Variants in PARP10 observed in about 807,000 individuals in gnomAD.
PARP10 encodes protein mono-ADP-ribosyltransferase PARP10.
Under a neutral mutation model 82.4 loss-of-function variants are expected in PARP10, and 56 were observed. The ratio of observed to expected loss-of-function variants is 0.68; its 90% CI spans 0.55 to 0.85. The LOEUF (loss-of-function observed/expected upper bound fraction) is 0.85. PARP10 is among the 40% of genes least tolerant of loss of function. PARP10 has a pLI of 0.00. For missense variants in PARP10, 1,227 were observed against 1,379.4 expected, an observed-to-expected ratio of 0.89 and a Z score of 1.75; for synonymous variants, 576 against 601.1, an observed-to-expected ratio of 0.96 and a Z score of 0.61.
Position 144,008,936 on chromosome 8 carries a change from C to T in PARP10, c.-80+3594G>A, listed in dbSNP as rs1442329070. ...AGAGGAAGCCTGGCGGAGGCTAATT[C>T]AAAGAAAGGAGCAGGAGGCTGCAGC... On this transcript the variant is annotated intron_variant, in intron 1 of 3. Transcript: ENST00000530478. The surrounding 1 kb of genome is among the most constrained non-coding windows in gnomAD (Gnocchi z 4.0). Among the ~76,000 whole-genome samples, 1 of 152,146 alleles carries T rather than the reference C, an allele frequency of 6.6e-6. No individual in the cohort carries two copies. Among genetic ancestry groups the T allele is most frequent in the Non-Finnish European group, 1.5e-5 (1 of 68,018 alleles).
chr8:143,984,627 G>GCAGGAAGC lies in PARP10; in HGVS notation c.1367_1374dup (p.Gln459AlafsTer27). The GCAGGAAGC allele has an allele frequency of 6.2e-7, 1 of 1,614,044 alleles. No individual in the cohort carries two copies. Among genetic ancestry groups the GCAGGAAGC allele is most frequent in the African/African-American group, 1.3e-5 (1 of 75,000 alleles). On this transcript the variant is annotated frameshift_variant, in exon 5 of 11. Coordinates refer to ENST00000313028, the MANE Select transcript of PARP10 (RefSeq NM_032789.5). LOFTEE classifies it high-confidence loss of function. The stretch of plus-strand genomic sequence containing the variant: ...GCAAGAAGGTCCTCATGGTAGAGCT[G>GCAGGAAGC]CAGGAAGCGCATCGCCCCTGGCTCC...
intron 1 of PARP10, among the ~76,000 whole-genome samples, chr8:143,996,782 A>G (rs1203654034): frequency 6.6e-6 from 1 of 152,172 alleles, no homozygotes; most frequent in African/African-American, 2.4e-5. Context: ...ACATTTGGGG[A>G]AGCAGGTAGA....
chr8:143,996,592 C>A (rs1834166519), intron 1 of PARP10, among the ~76,000 whole-genome samples: 1 of 152,200 alleles, frequency 6.6e-6, no homozygotes. Flanking sequence ...TAGTCCAGGG[C>A]CTGGCACACC....
intron 1 of PARP10, among the ~76,000 whole-genome samples, chr8:144,002,676 A>T (rs1024755975): frequency 6.6e-6 from 1 of 152,220 alleles, no homozygotes; most frequent in African/African-American, 2.4e-5. Context: ...AAAATCCACC[A>T]TTGTTGGATG....
chr8:143,989,506 A>G (rs1172078593), upstream of PARP10: 1 of 152,134 alleles, frequency 6.6e-6, no homozygotes, highest in East Asian at 1.9e-4. This position sits in a 1 kb window ranked among gnomAD's most constrained non-coding sequence, Gnocchi z 4.3. Context: ...GCTGATGGAT[A>G]CCCCATTTAC....
Position 143,977,946 on chromosome 8 carries a change from A to G in PARP10, c.2692T>C (p.Cys898Arg). 2 of 1,600,948 alleles carry G rather than the reference A, an allele frequency of 1.2e-6. No homozygotes were observed. The highest frequency in any genetic ancestry group is 2.2e-5 in the East Asian group (1 of 44,854). ...GTTAPAVPDI[C>R]AHGFNRSFCG... is the part of the protein sequence containing the mutation. ...AAGCTGCGGTTGAAGCCGTGGGCGCAGATGTCAGGCACTGCCGGTGCCGTC... is the reference window on the plus strand; with the variant it reads ...AAGCTGCGGTTGAAGCCGTGGGCGCGGATGTCAGGCACTGCCGGTGCCGTC... The change falls in exon 10 of 11, where the codon TGC becomes CGC. Residue 898 changes from cysteine (C) to arginine (R), a missense_variant. Coordinates refer to ENST00000313028, the MANE Select transcript of PARP10 (RefSeq NM_032789.5).
At chr8:144,010,115 C>A (rs1834263780) in intron 1 of PARP10, among the ~76,000 whole-genome samples, 1 of 152,218 alleles carries the variant, frequency 6.6e-6, no homozygotes, top group Non-Finnish European at 1.5e-5. Context: ...CTTTTGGTTT[C>A]TTTGGTGAGG....
intron 1 of PARP10, among the ~76,000 whole-genome samples, chr8:144,001,376 T>G (rs1834201584): frequency 6.6e-6 from 1 of 152,120 alleles, no homozygotes. Context: ...TGAGACACAG[T>G]GCCTGGCCGA....
chr8:143,994,993 G>T (rs1403232609), upstream of PARP10, among the ~76,000 whole-genome samples: 2 of 152,206 alleles, frequency 1.3e-5, no homozygotes, highest in Non-Finnish European at 2.9e-5. Context: ...CAAGTGAAAT[G>T]TGCCAGGACA....
Position 143,980,034 on chromosome 8 carries a change from C to T in PARP10, c.2557-1953G>A, listed in dbSNP as rs1453005039. Among the ~76,000 whole-genome samples the T allele has an allele frequency of 4.3e-5, 6 of 138,968 alleles. No individual in the cohort carries two copies. In the South Asian group the frequency reaches 9.2e-4, roughly 21 times the overall value. The allele number at this position is 138,968 out of a possible 152,430, so 91.2% of individuals were successfully genotyped here. The stretch of plus-strand genomic sequence containing the variant: ...CTCAAAAAAAAAAAAAAAAAAAACC[C>T]GTCTCAGCCGGGCGCGGTGGCTCAC... On this transcript the variant is annotated intron_variant, in intron 9 of 10. Coordinates refer to ENST00000313028, the MANE Select transcript of PARP10 (RefSeq NM_032789.5).
chr8:143,977,740 T>A lies in PARP10; in HGVS notation c.2822A>T (p.Lys941Met). 6.2e-7 allele frequency: 1 copy of A among 1,602,650 alleles called. No individual in the cohort carries two copies. The highest frequency in any genetic ancestry group is 2.3e-5 in the East Asian group (1 of 44,138). Residue 941 changes from lysine to methionine, a missense_variant, in exon 11 of 11, where the codon AAG becomes ATG. Transcript: ENST00000313028. Reference sequence around the variant, plus strand: ...CAGCACCCGTGCCACGAACACCGCCTTATGGCCATCGGCGTTGGGGGGCGA... The same window carrying A: ...CAGCACCCGTGCCACGAACACCGCCATATGGCCATCGGCGTTGGGGGGCGA... Reference protein sequence around the residue: ...RYSPPNADGHKAVFVARVLTG... With the variant: ...RYSPPNADGHMAVFVARVLTG...
intron 9 of PARP10, among the ~76,000 whole-genome samples, chr8:143,980,958 G>A (rs781841827): frequency 7.2e-5 from 11 of 152,106 alleles, no homozygotes; most frequent in Non-Finnish European, 1.6e-4. Context: ...TGAGATGGAA[G>A]ATGAGGGAGG....
rs1260618974 is a variant in PARP10 at position 143,977,911 on chromosome 8, G to T, written c.2727C>A (p.Arg909=). 6.2e-7 allele frequency: 1 copy of T among 1,601,828 alleles called. No homozygotes were observed. The highest frequency in any genetic ancestry group is 8.5e-7 in the Non-Finnish European group (1 of 1,179,290). ...CCTGCCCGGCTCAGGCCTCACCGTTGCGGCCGCAGAAGCTGCGGTTGAAGC... is the reference window on the plus strand; with the variant it reads ...CCTGCCCGGCTCAGGCCTCACCGTTTCGGCCGCAGAAGCTGCGGTTGAAGC... The part of the protein sequence containing the change: ...AHGFNRSFCG[R]NATVYGKGVY... Residue 909 remains arginine, a synonymous_variant, in exon 10 of 11, where the codon CGC becomes CGA. Coordinates refer to ENST00000313028, the MANE Select transcript of PARP10 (RefSeq NM_032789.5).
Position 143,985,124 on chromosome 8 carries a change from A to T in PARP10, c.878T>A (p.Val293Glu). 1.2e-6 allele frequency: 2 copies of T among 1,613,912 alleles called. No individual in the cohort carries two copies. The highest frequency in any genetic ancestry group is 1.7e-6 in the Non-Finnish European group (2 of 1,179,976). Reference sequence around the variant, plus strand: ...TGGTTCCTCGCCAGAGCCCATTGTCACAGTCCCTGCACCCTGCAGAGCCGT... The same window carrying T: ...TGGTTCCTCGCCAGAGCCCATTGTCTCAGTCCCTGCACCCTGCAGAGCCGT... ...LVTALQGAGT[V>E]TMGSGEEPGQ... is the part of the protein sequence containing the mutation. Residue 293 changes from valine (V) to glutamate (E), a missense_variant, in exon 5 of 11, where the codon GTG (valine) becomes GAG (glutamate). By Grantham distance (121) the Val-to-Glu change is moderately radical. Coordinates refer to ENST00000313028, the MANE Select transcript of PARP10 (RefSeq NM_032789.5).
At chr8:143,992,609 G>A (rs748467516), upstream of PARP10, 4 of 1,614,124 alleles carry the variant, frequency 2.5e-6, no homozygotes, top group Non-Finnish European at 3.4e-6. Context: ...CTTCACCTGC[G>A]TGAGTGAGGG....
upstream of PARP10, chr8:143,992,591 G>T (rs781982479): frequency 2.5e-6 from 4 of 1,614,134 alleles, no homozygotes; most frequent in Admixed American, 1.7e-5. Context: ...CTCACTGGGC[G>T]CTCTGCTCTT....
upstream of PARP10, among the ~76,000 whole-genome samples, chr8:143,987,794 G>C (rs1834017738): frequency 1.3e-5 from 2 of 152,168 alleles, no homozygotes; most frequent in South Asian, 2.1e-4. Context: ...AGGAGGCTGA[G>C]TCAGGAGAAT....
intron 9 of PARP10, among the ~76,000 whole-genome samples, chr8:143,978,910 G>A (rs1312696132): frequency 1.3e-5 from 2 of 151,770 alleles, no homozygotes; most frequent in Non-Finnish European, 2.9e-5. Flanking sequence ...GAAAGACAAC[G>A]CCCCTGGCAC....
At chr8:144,012,651 G>A in exon 1 of PARP10, 3 of 1,551,756 alleles carry the variant, frequency 1.9e-6, no homozygotes, top group Non-Finnish European at 8.7e-7. Context: ...GACTCAGGCA[G>A]GCGGGCTCGG....
Sources: gnomAD v4.1 joint callset for allele counts (sites outside exome capture counted in the v4.1 genomes callset) on GRCh38, gnomAD v4.1.1 for gene constraint, Gnocchi (gnomAD v3.1) non-coding constraint, MANE v1.5 for transcripts, NCBI Gene and HGNC (gene_info 2026-07-23, HGNC 2026-07-21) for gene names.